ENTPD1: variants seen among roughly 807,000 people sequenced by gnomAD.
The protein encoded by ENTPD1 is ATP diphosphohydrolase.
Under a neutral mutation model 57.0 loss-of-function variants are expected in ENTPD1, and 33 were observed. The observed-to-expected ratio is 0.58, with a 90% CI of 0.44 to 0.77. ENTPD1 has a LOEUF of 0.77. Among genes scored for constraint, ENTPD1 ranks in the 30% least tolerant of loss-of-function variants. ENTPD1 has a pLI of 0.00. For synonymous variants in ENTPD1, 202 were observed against 218.8 expected, an observed-to-expected ratio of 0.92 and a Z score of 0.68; for missense variants, 501 against 603.4, an observed-to-expected ratio of 0.83 and a Z score of 1.78.
intron 5 of ENTPD1, 51 bp from the exon 6 acceptor site, chr10:95,845,306 A>C (rs1366785961): frequency 6.2e-7 from 1 of 1,613,372 alleles, no homozygotes; most frequent in African/African-American, 1.3e-5. Context: ...GATACTATGA[A>C]AAGCAGGGTG....
Position 95,872,889 on chromosome 10 carries a change from T to G in ENTPD1, c.*6506T>G. ...TATTCCCCTAGCCACATGGAACTTT[T>G]CCTTTTTGGAACATGCCTTTAGTTT... On this transcript the variant is annotated 3_prime_UTR_variant, in exon 10 of 10. Coordinates refer to ENST00000371205, the MANE Select transcript of ENTPD1 (RefSeq NM_001776.6). The G allele has an allele frequency of 1.0e-6, 1 of 985,456 alleles. No individual in the cohort carries two copies. The highest frequency in any genetic ancestry group is 1.7e-5 in the African/African-American group (1 of 57,372). 61.0% of individuals were successfully genotyped at this position (985,456 alleles called of 1,614,324 possible). A position where few individuals can be genotyped will look rare whatever the true frequency, so the allele number is the denominator to read the frequency against.
At chr10:95,772,588 A>C (rs1052289090) in intron 1 of ENTPD1, among the ~76,000 whole-genome samples, 13 of 152,274 alleles carry the variant, frequency 8.5e-5, no homozygotes, top group African/African-American at 3.1e-4. Context: ...TACTAATTCT[A>C]GTTCTCCTGC....
chr10:95,823,316 G>A lies in ENTPD1; in HGVS notation c.96G>A (p.Leu32=), dbSNP rs2140559637. The A allele has an allele frequency of 6.2e-7, 1 of 1,614,172 alleles. No homozygotes were observed. Among genetic ancestry groups the A allele is most frequent in the South Asian group, 1.1e-5 (1 of 91,086 alleles). The change falls in exon 2 of 10, where the codon TTG becomes TTA. Residue 32 remains leucine (L), a synonymous_variant. Transcript: ENST00000371205. The part of the protein sequence containing the change: ...GFSSIIAVIA[L]LAVGLTQNKA... ...CCTCTATCATAGCTGTGATAGCTTT[G>A]CTTGCTGTGGGGTTGACCCAGAACA...
In ENTPD1 at chr10:95,823,384, G is replaced by GT. The variant is rs777162789; in HGVS notation, c.144+21dup. ...GTTAAGGTAAGTCAAATATATCTGT[G>GT]TGTTTGTGTGTATGTAAGAGGAGAT... On this transcript the variant is annotated intron_variant, in intron 2 of 9. Coordinates refer to ENST00000371205, the MANE Select transcript of ENTPD1 (RefSeq NM_001776.6). The GT allele has an allele frequency of 1.6e-5, 26 of 1,613,620 alleles. No individual in the cohort carries two copies. Among genetic ancestry groups the GT allele is most frequent in the Non-Finnish European group, 2.0e-5 (24 of 1,179,656 alleles).
chr10:95,708,501 T>C (rs1025931523), upstream of ENTPD1, among the ~76,000 whole-genome samples: 1 of 152,218 alleles, frequency 6.6e-6, no homozygotes, highest in African/African-American at 2.4e-5. Context: ...CATGAGCTGC[T>C]GCGCCTGGCC....
At chr10:95,728,674 T>G (rs1213509585) in intron 1 of ENTPD1, among the ~76,000 whole-genome samples, 1 of 152,196 alleles carries the variant, frequency 6.6e-6, no homozygotes, top group Non-Finnish European at 1.5e-5. Context: ...ACTGGAAAGA[T>G]GAACTGCTCA....
intron 1 of ENTPD1, among the ~76,000 whole-genome samples, chr10:95,799,836 G>A (rs2098241486): frequency 6.6e-6 from 1 of 152,088 alleles, no homozygotes; most frequent in Admixed American, 6.6e-5. Flanking sequence ...CATTCTGACT[G>A]GTGTGAGATG....
chr10:95,779,470 C>T (rs1266187169), intron 1 of ENTPD1, among the ~76,000 whole-genome samples: 1 of 152,168 alleles, frequency 6.6e-6, no homozygotes, highest in Non-Finnish European at 1.5e-5. Context: ...AAGACTTAAC[C>T]TCAAATGGGA....
At chr10:95,776,068 G>C (rs980737084) in intron 1 of ENTPD1, among the ~76,000 whole-genome samples, 6 of 152,090 alleles carry the variant, frequency 3.9e-5, no homozygotes, top group Non-Finnish European at 8.8e-5. Context: ...GAATACAGCA[G>C]ACTGATGGGT....
chr10:95,793,662 GT>G (rs1403733963), intron 1 of ENTPD1, among the ~76,000 whole-genome samples: 2 of 152,162 alleles, frequency 1.3e-5, no homozygotes, highest in Non-Finnish European at 2.9e-5. Context: ...GGGTCAAGCA[GT>G]TGTAATAAGC....
chr10:95,864,600 GCCAA>G, intron 8 of ENTPD1, 120 bp from the exon 9 acceptor site: 1 of 1,351,100 alleles, frequency 7.4e-7, no homozygotes, highest in Non-Finnish European at 1.0e-6. Context: ...TCTGGAAGAG[GCCAA>G]CCTTCAGGTG....
chr10:95,860,517 G>A lies in ENTPD1; in HGVS notation c.1123G>A (p.Glu375Lys). 6.2e-7 allele frequency: 1 copy of A among 1,613,964 alleles called. No individual in the cohort carries two copies. The highest frequency in any genetic ancestry group is 8.5e-7 in the Non-Finnish European group (1 of 1,179,908). ...FVMKFLNLTS[E>K]KVSQEKVTEM... is the part of the protein sequence containing the mutation. ...GATGAAGTTTTTAAACTTGACATCAGAGAAAGTCTCTCAGGAAAAGGTGAC... is the reference window on the plus strand; with the variant it reads ...GATGAAGTTTTTAAACTTGACATCAAAGAAAGTCTCTCAGGAAAAGGTGAC... Residue 375 changes from glutamate (E) to lysine (K), a missense_variant, in exon 8 of 10, where the codon GAG (glutamate) becomes AAG (lysine). Coordinates refer to ENST00000371205, the MANE Select transcript of ENTPD1 (RefSeq NM_001776.6).
rs1258300694 is a variant in ENTPD1, at chr10:95,876,361, A to T, written c.*9978A>T. 2.0e-6 allele frequency: 2 copies of T among 985,432 alleles called. No homozygotes were observed. The highest frequency in any genetic ancestry group is 4.7e-5 in the South Asian group (1 of 21,282). The allele number at this position is 985,432 out of a possible 1,614,324, so 61.0% of individuals were successfully genotyped here. On this transcript the variant is annotated 3_prime_UTR_variant, in exon 10 of 10. Coordinates refer to ENST00000371205, the MANE Select transcript of ENTPD1 (RefSeq NM_001776.6). ...CAGATAAATGGTAATTCTTAGAATG[A>T]ACTACTCAGCACCAATTCTAAGTTT...
intron 2 of ENTPD1, among the ~76,000 whole-genome samples, chr10:95,823,855 A>G (rs571895479): frequency 2.6e-5 from 4 of 152,374 alleles, no homozygotes; most frequent in Non-Finnish European, 5.9e-5. Context: ...ATCTCCAGAT[A>G]TAGTAAAGAA....
At chr10:95,863,479 C>T (rs1452204437) in intron 8 of ENTPD1, among the ~76,000 whole-genome samples, 1 of 152,176 alleles carries the variant, frequency 6.6e-6, no homozygotes, top group Non-Finnish European at 1.5e-5. Flanking sequence ...ATGTCCACAC[C>T]AAGGTCTCAA....
At chr10:95,845,924 C>T (rs1484588727) in intron 6 of ENTPD1, 1 of 348,138 alleles carries the variant, frequency 2.9e-6, no homozygotes, top group Admixed American at 4.3e-5. Flanking sequence ...AATTTATAAG[C>T]TCTTTTAGAC....
At chr10:95,721,709 C>T (rs1242401050) in intron 1 of ENTPD1, among the ~76,000 whole-genome samples, 1 of 151,382 alleles carries the variant, frequency 6.6e-6, no homozygotes, top group Non-Finnish European at 1.5e-5. Flanking sequence ...ACCGGGATGC[C>T]ATCACCCCTA....
intron 2 of ENTPD1, among the ~76,000 whole-genome samples, chr10:95,828,182 T>C (rs564475507): frequency 6.6e-6 from 1 of 152,272 alleles, no homozygotes; most frequent in Non-Finnish European, 1.5e-5. Context: ...CTGAGCTCCA[T>C]CTCCTGTCAG....
chr10:95,728,573 G>A lies in ENTPD1; in HGVS notation c.37+16580G>A, dbSNP rs540771718. Among the ~76,000 whole-genome samples the A allele has an allele frequency of 2.6e-4, 40 of 152,184 alleles. No individual in the cohort carries two copies. In the South Asian group the frequency reaches 7.7e-3, roughly 29 times the overall value. On this transcript the variant is annotated intron_variant, in intron 1 of 9. Coordinates refer to the ENTPD1 transcript ENST00000453258. ...TAGTGGCACTTTTTATGGATCCCAC[G>A]GTGTTATTCGAGGTTTCTAGTATTG... is the stretch of plus-strand genomic sequence containing the variant.
Sources: allele counts gnomAD v4.1 joint callset (sites outside exome capture counted in the v4.1 genomes callset), GRCh38; gene constraint gnomAD v4.1.1; transcripts MANE v1.5; gene names NCBI Gene and HGNC (gene_info 2026-07-23, HGNC 2026-07-21).